Variants in MINAR2 observed in about 807,000 individuals in gnomAD.
MINAR2 encodes membrane integral NOTCH2 associated receptor 2.
Under a neutral mutation model 16.1 loss-of-function variants are expected in MINAR2, and 21 were observed. The ratio of observed to expected loss-of-function variants is 1.31; its 90% CI spans 0.93 to 1.88. The LOEUF is 1.88. Among genes scored for constraint, MINAR2 ranks in the 40% most tolerant of loss-of-function variants. MINAR2 has a pLI of 0.00. For synonymous variants in MINAR2, 86 were observed against 83.0 expected (o/e 1.04, Z -0.20); for missense variants, 259 against 229.8 (o/e 1.13, Z -0.82).
intron 1 of MINAR2, among the ~76,000 whole-genome samples, chr5:129,755,525 AT>A (rs11430431): frequency 5.4e-4 from 81 of 150,724 alleles, no homozygotes; most frequent in African/African-American, 1.5e-3. Flanking sequence ...AGGTTTGTTA[AT>A]TTTTTTTTTA....
At position 129,754,318 on chromosome 5, in the gene MINAR2, T is replaced by G. The variant is rs528372524; in HGVS notation, c.165+5963T>G. Among the ~76,000 whole-genome samples the G allele has an allele frequency of 6.4e-4, 97 of 152,298 alleles. 1 individual carries two copies. The highest frequency in any genetic ancestry group is 3.4e-3 in the Middle Eastern group (1 of 294). Reference sequence around the variant, plus strand: ...AGCAGAAGAATGACACAATCAAATATGTGCTTTAGAAAGCTTTCCATTCTA... The same window carrying G: ...AGCAGAAGAATGACACAATCAAATAGGTGCTTTAGAAAGCTTTCCATTCTA... On this transcript the variant is annotated intron_variant, in intron 1 of 2. Coordinates refer to ENST00000564719, the MANE Select transcript of MINAR2 (RefSeq NM_001257308.2).
rs543489695 is a variant in MINAR2 at position 129,757,972 on chromosome 5, A to G, written c.166-2406A>G. Among the ~76,000 whole-genome samples the G allele has an allele frequency of 2.6e-5, 4 of 152,018 alleles. No homozygotes were observed. The South Asian group carries it at 6.2e-4, about 24-fold the overall frequency. On this transcript the variant is annotated intron_variant, in intron 1 of 2. Coordinates refer to ENST00000564719, the MANE Select transcript of MINAR2 (RefSeq NM_001257308.2). ...ATTTTTAGAGTTTTTACAATAAACT[A>G]TGAATTTTGTACACTTAATTTTCTT...
Position 129,766,135 on chromosome 5 carries a change from C to T in MINAR2, c.*1072C>T, listed in dbSNP as rs371780115. The T allele has an allele frequency of 1.3e-5, 2 of 152,230 alleles. No homozygotes were observed. The allele number at this position is 152,230 out of a possible 1,614,324, so 9.4% of individuals were successfully genotyped here. A position where few individuals can be genotyped will look rare whatever the true frequency, so the allele number is the denominator to read the frequency against. ...ACAGATGGGGAATCAAGTCACCATC[C>T]TGCCCTTCCTTCTAGAACATCCTTT... On this transcript the variant is annotated 3_prime_UTR_variant, in exon 3 of 3. Transcript: ENST00000564719.
intron 1 of MINAR2, among the ~76,000 whole-genome samples, chr5:129,752,800 G>C (rs1416603465): frequency 6.7e-6 from 1 of 149,562 alleles, no homozygotes; most frequent in African/African-American, 2.5e-5. Flanking sequence ...TCCATTTATT[G>C]TGGTGGGCCT....
chr5:129,756,712 T>G (rs1190078326), intron 1 of MINAR2, among the ~76,000 whole-genome samples: 2 of 152,094 alleles, frequency 1.3e-5, no homozygotes, highest in Non-Finnish European at 2.9e-5. Context: ...ATTTTAAGTT[T>G]TGTTTTATAA....
At chr5:129,752,273 G>A (rs1248450950) in intron 1 of MINAR2, among the ~76,000 whole-genome samples, 1 of 152,094 alleles carries the variant, frequency 6.6e-6, no homozygotes, top group East Asian at 1.9e-4. Context: ...ACATACACAT[G>A]TATGTTTGTT....
intron 1 of MINAR2, among the ~76,000 whole-genome samples, chr5:129,757,298 T>G (rs1295820237): frequency 6.6e-6 from 1 of 151,952 alleles, no homozygotes; most frequent in Non-Finnish European, 1.5e-5. Flanking sequence ...GCAGATATCC[T>G]CTGTGCTTAG....
intron 1 of MINAR2, among the ~76,000 whole-genome samples, chr5:129,749,207 G>A (rs1302969416): frequency 6.6e-6 from 1 of 152,136 alleles, no homozygotes; most frequent in Admixed American, 6.6e-5. Flanking sequence ...GAACAGATGT[G>A]ACTGACCTAC....
At chr5:129,764,859 T>C in intron 2 of MINAR2, 25 bp from the exon 3 acceptor site, 3 of 1,245,932 alleles carry the variant, frequency 2.4e-6, no homozygotes, top group South Asian at 2.7e-5. Context: ...TGATTAATCA[T>C]ATTCTCTATG....
At chr5:129,762,848 C>T (rs1364615987) in intron 2 of MINAR2, among the ~76,000 whole-genome samples, 6 of 152,020 alleles carry the variant, frequency 3.9e-5, no homozygotes, top group Admixed American at 2.0e-4. Context: ...AACTTATGGG[C>T]TTGAAGGATG....
Position 129,748,121 on chromosome 5 carries a change from A to G in MINAR2, c.-70A>G, listed in dbSNP as rs1202044846. On this transcript the variant is annotated 5_prime_UTR_variant, in exon 1 of 3. Coordinates refer to ENST00000564719, the MANE Select transcript of MINAR2 (RefSeq NM_001257308.2). The stretch of plus-strand genomic sequence containing the variant: ...ATGCAGTCAGAGCATCCTCAGGCAC[A>G]TTAATAATGGAGGAGTCTGACAAGA... 3.5e-6 allele frequency: 5 copies of G among 1,421,576 alleles called. No homozygotes were observed. The highest frequency in any genetic ancestry group is 3.8e-6 in the Non-Finnish European group (4 of 1,057,320). 88.1% of individuals were successfully genotyped at this position (1,421,576 alleles called of 1,614,324 possible). A position where few individuals can be genotyped will look rare whatever the true frequency, so the allele number is the denominator to read the frequency against.
chr5:129,751,417 C>A (rs1157245616), intron 1 of MINAR2, among the ~76,000 whole-genome samples: 1 of 152,050 alleles, frequency 6.6e-6, no homozygotes, highest in Non-Finnish European at 1.5e-5. Flanking sequence ...CCATGCTGAC[C>A]AGGCTGGCCT....
chr5:129,748,570 C>A (rs978357384), intron 1 of MINAR2, among the ~76,000 whole-genome samples: 2 of 152,088 alleles, frequency 1.3e-5, no homozygotes, highest in African/African-American at 2.4e-5. Context: ...AATTCCCCTC[C>A]TAGCATTAGC....
chr5:129,764,624 G>A (rs1026577200), intron 2 of MINAR2, among the ~76,000 whole-genome samples: 1 of 152,234 alleles, frequency 6.6e-6, no homozygotes, highest in East Asian at 1.9e-4. Flanking sequence ...AATCATGAAG[G>A]CCTCCTAATT....
intron 1 of MINAR2, among the ~76,000 whole-genome samples, chr5:129,756,209 T>C (rs991118885): frequency 1.3e-5 from 2 of 152,132 alleles, no homozygotes; most frequent in Non-Finnish European, 2.9e-5. Context: ...TAACATGCTA[T>C]CAATTTTATA....
intron 1 of MINAR2, among the ~76,000 whole-genome samples, chr5:129,754,987 G>A (rs990626059): frequency 6.6e-6 from 1 of 151,940 alleles, no homozygotes; most frequent in East Asian, 1.9e-4. Flanking sequence ...CTGTAAGTTT[G>A]GGGCCCATTC....
At chr5:129,748,390 G>A (rs1757944876) in intron 1 of MINAR2, 35 bp downstream of exon 1, 1 of 1,523,558 alleles carries the variant, frequency 6.6e-7, no homozygotes, top group Admixed American at 2.0e-5. Context: ...CGGGGATGGA[G>A]GCTTGTTTCT....
intron 1 of MINAR2, among the ~76,000 whole-genome samples, chr5:129,752,953 C>T (rs67003735): frequency 1.4e-4 from 21 of 151,912 alleles, no homozygotes; most frequent in Non-Finnish European, 1.2e-4. Flanking sequence ...AGGCTAAGGG[C>T]GAGAGGCTGC....
At position 129,764,780 on chromosome 5, in the gene MINAR2, T is replaced by G. The variant is rs1581294965; in HGVS notation, c.394-104T>G. ...AGCCTTGCCCAGGACAGAGTGAATA[T>G]GGACCATCAGTCCCCATGACAGTGT... On this transcript the variant is annotated intron_variant, in intron 2 of 2. Transcript: ENST00000564719. 1.3e-5 allele frequency: 7 copies of G among 557,974 alleles called. No individual in the cohort carries two copies. The East Asian group carries it at 2.4e-4, about 19-fold the overall frequency. 34.6% of individuals were successfully genotyped at this position (557,974 alleles called of 1,614,324 possible).
Sources: allele counts gnomAD v4.1 joint callset (sites outside exome capture counted in the v4.1 genomes callset), GRCh38; gene constraint gnomAD v4.1.1; transcripts MANE v1.5; gene names NCBI Gene and HGNC (gene_info 2026-07-23, HGNC 2026-07-21).